Variants in ADAMTSL1 observed in about 807,000 individuals in gnomAD.
The protein encoded by ADAMTSL1 is ADAMTS-like protein 1.
A neutral mutation model predicts 201.8 loss-of-function variants in ADAMTSL1; 126 were observed. The observed-to-expected ratio is 0.62, with a 90% CI of 0.54 to 0.72. The LOEUF (loss-of-function observed/expected upper bound fraction) is 0.72. Among genes scored for constraint, ADAMTSL1 ranks in the 30% least tolerant of loss-of-function variants. ADAMTSL1 has a pLI of 0.00. For synonymous variants in ADAMTSL1, 1,121 were observed against 903.4 expected (o/e 1.24, Z -4.32); for missense variants, 2,679 against 2,277.8 (o/e 1.18, Z -3.59).
intron 2 of ADAMTSL1, among the ~76,000 whole-genome samples, chr9:18,248,392 G>A (rs576864004): frequency 2.2e-4 from 34 of 152,242 alleles, no homozygotes; most frequent in African/African-American, 7.5e-4. Flanking sequence ...GCTGCACTGG[G>A]ACAAGAAAAG....
intron 2 of ADAMTSL1, among the ~76,000 whole-genome samples, chr9:18,369,377 G>T (rs1443948958): frequency 6.6e-6 from 1 of 152,138 alleles, no homozygotes; most frequent in African/African-American, 2.4e-5. Flanking sequence ...ATATGATAAA[G>T]TGTTCAATAT....
intron 23 of ADAMTSL1, among the ~76,000 whole-genome samples, chr9:18,868,160 G>A (rs1029298811): frequency 1.1e-4 from 16 of 152,042 alleles, no homozygotes; most frequent in Non-Finnish European, 1.9e-4. Context: ...GTCATTTCTA[G>A]AAGTCCAATT....
chr9:18,411,126 T>G (rs1818423225), intron 2 of ADAMTSL1, among the ~76,000 whole-genome samples: 1 of 151,428 alleles, frequency 6.6e-6, no homozygotes, highest in Non-Finnish European at 1.5e-5. Flanking sequence ...TCTCCCAAAG[T>G]GCTGGGATTT....
intron 1 of ADAMTSL1, among the ~76,000 whole-genome samples, chr9:18,085,557 CTG>C (rs1563990846): frequency 1.8e-5 from 2 of 113,748 alleles, no homozygotes; most frequent in African/African-American, 7.5e-5. Context: ...TACATACACA[CTG>C]TGTGTATACA....
chr9:18,804,470 G>A (rs1240556377), intron 20 of ADAMTSL1, among the ~76,000 whole-genome samples: 2 of 152,138 alleles, frequency 1.3e-5, no homozygotes, highest in Non-Finnish European at 2.9e-5. Context: ...AAGACATTGG[G>A]AAGGAAAACT....
intron 2 of ADAMTSL1, among the ~76,000 whole-genome samples, chr9:18,338,778 C>T (rs1023519709): frequency 6.6e-6 from 1 of 152,096 alleles, no homozygotes; most frequent in Non-Finnish European, 1.5e-5. Context: ...CTCCTCCCAC[C>T]CTCCACCTTC....
intron 23 of ADAMTSL1, among the ~76,000 whole-genome samples, chr9:18,840,522 C>G (rs952320948): frequency 4.3e-4 from 65 of 152,184 alleles, no homozygotes; most frequent in Non-Finnish European, 8.1e-4. Context: ...GATGTGGGCT[C>G]TTTTTTGGTT....
intron 7 of ADAMTSL1, among the ~76,000 whole-genome samples, chr9:18,652,307 G>C (rs546294369): frequency 6.9e-6 from 1 of 144,116 alleles, no homozygotes; most frequent in Non-Finnish European, 1.5e-5. Flanking sequence ...AGGAGGCGGA[G>C]GTTACAAAGA....
intron 2 of ADAMTSL1, among the ~76,000 whole-genome samples, chr9:18,299,254 A>G (rs531671747): frequency 1.4e-3 from 220 of 152,256 alleles, no homozygotes; most frequent in African/African-American, 4.9e-3. Flanking sequence ...CCGCCACACT[A>G]TTCTGCCTTT....
chr9:17,913,540 A>T (rs1184292893), intron 1 of ADAMTSL1, among the ~76,000 whole-genome samples: 2 of 152,202 alleles, frequency 1.3e-5, no homozygotes, highest in Non-Finnish European at 2.9e-5. Flanking sequence ...AGGGAAATTT[A>T]TAGCACTAAA....
intron 4 of ADAMTSL1, among the ~76,000 whole-genome samples, chr9:18,619,291 A>T (rs566894521): frequency 6.6e-6 from 1 of 152,318 alleles, no homozygotes; most frequent in East Asian, 1.9e-4. Context: ...CCCTGCAAAC[A>T]ATTTTCCACT....
chr9:18,302,448 G>A (rs978409538), intron 2 of ADAMTSL1, among the ~76,000 whole-genome samples: 7 of 152,084 alleles, frequency 4.6e-5, no homozygotes, highest in African/African-American at 1.7e-4. Flanking sequence ...TTCGTTATAG[G>A]AGTTTTCTAC....
At chr9:18,879,089 A>G (rs1828360889) in intron 23 of ADAMTSL1, among the ~76,000 whole-genome samples, 1 of 152,200 alleles carries the variant, frequency 6.6e-6, no homozygotes, top group Non-Finnish European at 1.5e-5. Context: ...GTTCCGTTTC[A>G]CTATATGTCA....
At chr9:18,080,004 G>A (rs1442619570) in intron 1 of ADAMTSL1, among the ~76,000 whole-genome samples, 1 of 152,144 alleles carries the variant, frequency 6.6e-6, no homozygotes, top group Non-Finnish European at 1.5e-5. Context: ...TGAACAAAGA[G>A]GAAATGGTGG....
chr9:18,091,921 G>A (rs1244650862), intron 1 of ADAMTSL1, among the ~76,000 whole-genome samples: 1 of 152,024 alleles, frequency 6.6e-6, no homozygotes, highest in African/African-American at 2.4e-5. Context: ...AAATCACAAA[G>A]GTCCAAGACA....
chr9:18,364,944 A>G (rs912903706), intron 2 of ADAMTSL1, among the ~76,000 whole-genome samples: 1 of 152,048 alleles, frequency 6.6e-6, no homozygotes, highest in African/African-American at 2.4e-5. Context: ...CGCCCCCATG[A>G]TCCAATAACC....
At chr9:18,512,044 T>C (rs987814708) in intron 2 of ADAMTSL1, among the ~76,000 whole-genome samples, 1 of 152,204 alleles carries the variant, frequency 6.6e-6, no homozygotes, top group African/African-American at 2.4e-5. Flanking sequence ...AAGAAAGATA[T>C]ACAAGTTCAG....
At chr9:18,529,824 G>A (rs1432736384) in intron 2 of ADAMTSL1, among the ~76,000 whole-genome samples, 1 of 152,120 alleles carries the variant, frequency 6.6e-6, no homozygotes, top group Non-Finnish European at 1.5e-5. Flanking sequence ...ATAGTTCAGA[G>A]GCATCCATAA....
At chr9:18,036,959 C>A (rs963785188) in intron 1 of ADAMTSL1, among the ~76,000 whole-genome samples, 5 of 152,192 alleles carry the variant, frequency 3.3e-5, no homozygotes, top group African/African-American at 9.7e-5. Flanking sequence ...TCTAACCAAT[C>A]TGTGCTTTCT....
Sources: gnomAD v4.1 joint callset for allele counts (sites outside exome capture counted in the v4.1 genomes callset) on GRCh38, gnomAD v4.1.1 for gene constraint, MANE v1.5 for transcripts, NCBI Gene and HGNC (gene_info 2026-07-23, HGNC 2026-07-21) for gene names.